The following COG5 variants were observed in gnomAD, a reference collection of about 807,000 sequenced individuals.
The protein encoded by COG5 is component of oligomeric golgi complex 5, also known as conserved oligomeric Golgi complex subunit 5.
COG5 carries 86 observed loss-of-function variants against 110.4 expected under a neutral mutation model. The ratio of observed to expected loss-of-function variants is 0.78; its 90% confidence interval spans 0.65 to 0.93. COG5 has a LOEUF of 0.93. Ranked by LOEUF, COG5 falls within the 40% of genes least tolerant of loss-of-function variation. The pLI is 0.00. For synonymous variants in COG5, 360 were observed against 334.6 expected, an observed-to-expected ratio of 1.08 and a Z score of -0.83; for missense variants, 1,077 against 987.0, an observed-to-expected ratio of 1.09 and a Z score of -1.22.
At chr7:107,424,635 T>A (rs1474201523) in intron 6 of COG5, among the ~76,000 whole-genome samples, 1 of 152,090 alleles carries the variant, frequency 6.6e-6, no homozygotes, top group Non-Finnish European at 1.5e-5. Flanking sequence ...CAAGAAGGAT[T>A]TTCTATTTCA....
intron 6 of COG5, among the ~76,000 whole-genome samples, chr7:107,508,696 A>C (rs1799240121): frequency 6.6e-6 from 1 of 152,136 alleles, no homozygotes; most frequent in Non-Finnish European, 1.5e-5. Flanking sequence ...CAGAGGAACG[A>C]TCAGGCAGCA....
At chr7:107,340,658 C>T (rs1811101439) in intron 10 of COG5, among the ~76,000 whole-genome samples, 1 of 152,258 alleles carries the variant, frequency 6.6e-6, no homozygotes, top group East Asian at 1.9e-4. Context: ...TGGAATCCAA[C>T]AGCACATCAA....
At chr7:107,362,199 G>A in intron 9 of COG5, 89 bp from the exon 10 acceptor site, 1 of 1,309,616 alleles carries the variant, frequency 7.6e-7, no homozygotes, top group Non-Finnish European at 1.1e-6. Context: ...TCAGCTAGTG[G>A]AGGTATTTTG....
intron 6 of COG5, among the ~76,000 whole-genome samples, chr7:107,420,586 GA>G (rs1478124742): frequency 6.6e-6 from 1 of 152,090 alleles, no homozygotes; most frequent in Non-Finnish European, 1.5e-5. Flanking sequence ...TCAGCCTCCT[GA>G]GTAGCTGGGA....
intron 7 of COG5, among the ~76,000 whole-genome samples, chr7:107,396,649 G>T (rs1441276932): frequency 6.6e-6 from 1 of 152,014 alleles, no homozygotes; most frequent in Non-Finnish European, 1.5e-5. Context: ...AAATGAGGAA[G>T]AGAGTATAAA....
chr7:107,558,182 G>C (rs910943208), intron 1 of COG5, 67 bp from the exon 2 acceptor site: 6 of 1,485,830 alleles, frequency 4.0e-6, no homozygotes, highest in Non-Finnish European at 5.6e-6. Context: ...TTAAACAACA[G>C]AACAATTATA....
intron 8 of COG5, among the ~76,000 whole-genome samples, chr7:107,367,172 G>C (rs1456891792): frequency 6.6e-6 from 1 of 151,978 alleles, no homozygotes; most frequent in African/African-American, 2.4e-5. Flanking sequence ...CTAAGGGAAA[G>C]AAAGTGTAAA....
At chr7:107,382,203 T>C (rs547945491) in intron 7 of COG5, among the ~76,000 whole-genome samples, 7 of 152,212 alleles carry the variant, frequency 4.6e-5, no homozygotes, top group African/African-American at 1.4e-4. Flanking sequence ...TTCTAACAGG[T>C]CCAGGAGCTC....
intron 6 of COG5, among the ~76,000 whole-genome samples, chr7:107,513,166 T>C (rs1348542883): frequency 6.6e-6 from 1 of 151,910 alleles, no homozygotes; most frequent in Non-Finnish European, 1.5e-5. Context: ...AGGGCTAATA[T>C]CCAGAATCTA....
intron 6 of COG5, among the ~76,000 whole-genome samples, chr7:107,421,030 CTG>C (rs1219740454): frequency 6.6e-6 from 1 of 152,156 alleles, no homozygotes; most frequent in African/African-American, 2.4e-5. Context: ...AAGTCTCACT[CTG>C]TGTCTGCTTT....
At chr7:107,354,247 T>A (rs1812430507) in intron 10 of COG5, among the ~76,000 whole-genome samples, 1 of 152,240 alleles carries the variant, frequency 6.6e-6, no homozygotes, top group African/African-American at 2.4e-5. Flanking sequence ...TTTCTGATAC[T>A]CTACATCAAT....
At chr7:107,409,156 CAGAG>C (rs1792084103) in intron 7 of COG5, among the ~76,000 whole-genome samples, 1 of 120,696 alleles carries the variant, frequency 8.3e-6, no homozygotes, top group Non-Finnish European at 1.7e-5. Context: ...AGTGGTCACA[CAGAG>C]AGAGCACAAA....
chr7:107,219,565 G>C (rs1799759476), intron 19 of COG5, among the ~76,000 whole-genome samples: 1 of 152,158 alleles, frequency 6.6e-6, no homozygotes, highest in African/African-American at 2.4e-5. Context: ...ATTACGTTAA[G>C]CTAAATAAAC....
At position 107,372,646 on chromosome 7, in the gene COG5, T is replaced by A. The variant is rs770563311; in HGVS notation, c.784A>T (p.Ser262Cys). ...GTCAAAACTTTTATGTCTAATGCAC[T>A]GTTGATATTTTCTTCTAAAGTAGCA... The part of the protein sequence containing the change: ...YCATLEENIN[S>C]ALDIKVLTQP... The change falls in exon 8 of 22, where the codon AGT becomes TGT. Residue 262 changes from serine to cysteine, a missense_variant. By Grantham distance (112) the Ser-to-Cys change is moderately radical. Coordinates refer to ENST00000297135, the MANE Select transcript of COG5 (RefSeq NM_006348.5). 6.2e-6 allele frequency: 10 copies of A among 1,613,742 alleles called. No individual in the cohort carries two copies. Among genetic ancestry groups the A allele is most frequent in the Middle Eastern group, 3.3e-4 (2 of 6,056 alleles).
chr7:107,524,786 A>G lies in COG5; in HGVS notation c.538+2451T>C, dbSNP rs1018012928. ...CTTTGAGATCATTCCACCATGAACT[A>G]TATCTTCTCAAAAACTTTTTAACAA... On this transcript the variant is annotated intron_variant, in intron 6 of 21. Transcript: ENST00000297135. 4.6e-5 allele frequency among the ~76,000 whole-genome samples: 7 copies of G among 152,216 alleles called. No individual in the cohort carries two copies. The East Asian group carries it at 5.8e-4, about 13-fold the overall frequency.
chr7:107,290,385 CTAAAT>C (rs1806062486), intron 12 of COG5, among the ~76,000 whole-genome samples: 1 of 152,180 alleles, frequency 6.6e-6, no homozygotes, highest in Non-Finnish European at 1.5e-5. Context: ...AAATAAACCT[CTAAAT>C]TAATAGAGAC....
chr7:107,557,574 T>G (rs1359915031), intron 2 of COG5, among the ~76,000 whole-genome samples: 2 of 152,250 alleles, frequency 1.3e-5, no homozygotes, highest in Non-Finnish European at 2.9e-5. Context: ...ATTTATCAAC[T>G]TTCTGTAATT....
chr7:107,426,974 C>G (rs932787512), intron 6 of COG5, among the ~76,000 whole-genome samples: 1 of 152,184 alleles, frequency 6.6e-6, no homozygotes, highest in Non-Finnish European at 1.5e-5. Context: ...CTTAAAGAAA[C>G]TGACAGTGGT....
intron 21 of COG5, chr7:107,209,694 C>G: frequency 4.4e-6 from 2 of 453,410 alleles, no homozygotes; most frequent in South Asian, 9.3e-5. Context: ...GTAATGCAAG[C>G]TCTGAGAGGA....
Sources: gnomAD v4.1 joint callset for allele counts (sites outside exome capture counted in the v4.1 genomes callset) on GRCh38, gnomAD v4.1.1 for gene constraint, MANE v1.5 for transcripts, NCBI Gene and HGNC (gene_info 2026-07-23, HGNC 2026-07-21) for gene names.